The following CRYBA4 variants were observed in gnomAD, a reference collection of about 807,000 sequenced individuals.
CRYBA4 encodes the protein beta-crystallin A4.
A neutral mutation model predicts 31.7 loss-of-function variants in CRYBA4; 30 were observed. The observed-to-expected ratio is 0.95, with a 90% CI of 0.71 to 1.28. The LOEUF (loss-of-function observed/expected upper bound fraction) is 1.28. CRYBA4 is among the 50% of genes most tolerant of loss of function. The pLI is 0.00. For missense variants in CRYBA4, 225 were observed against 260.7 expected, an observed-to-expected ratio of 0.86 and a Z score of 0.94; for synonymous variants, 102 against 102.3, an observed-to-expected ratio of 1.00 and a Z score of 0.02.
chr22:26,594,245 C>G, the CRYBA4 span, among the ~76,000 whole-genome samples: 1 of 152,184 alleles, frequency 6.6e-6, no homozygotes, highest in African/African-American at 2.4e-5. Context: ...GAAGGCTCAT[C>G]TCTTTAGAAC....
the CRYBA4 span, among the ~76,000 whole-genome samples, chr22:26,612,375 G>A: frequency 6.6e-6 from 1 of 152,090 alleles, no homozygotes; most frequent in African/African-American, 2.4e-5. Context: ...TTGTTTGTTT[G>A]TTTGTTTTTC....
chr22:26,590,368 G>C, the CRYBA4 span, among the ~76,000 whole-genome samples: 1 of 152,224 alleles, frequency 6.6e-6, no homozygotes, highest in African/African-American at 2.4e-5. Flanking sequence ...CTCCCGGTCA[G>C]TTCTGTTTAA....
the CRYBA4 span, among the ~76,000 whole-genome samples, chr22:26,613,928 T>C: frequency 6.6e-6 from 1 of 152,106 alleles, no homozygotes; most frequent in Non-Finnish European, 1.5e-5. Flanking sequence ...TGGGGTTAGG[T>C]CTCTAAACTG....
At chr22:26,611,769 C>G in the CRYBA4 span, among the ~76,000 whole-genome samples, 1 of 152,122 alleles carries the variant, frequency 6.6e-6, no homozygotes, top group Non-Finnish European at 1.5e-5. Context: ...CCACCGCGCC[C>G]GGCCGGGCTA....
intron 3 of CRYBA4, among the ~76,000 whole-genome samples, chr22:26,624,265 A>C (rs138860291): frequency 7.3e-5 from 11 of 150,990 alleles, no homozygotes; most frequent in African/African-American, 2.4e-4. Context: ...ATACTGGATA[A>C]AAGTTCTAGA....
At chr22:26,629,059 G>T (rs1435329630) in intron 5 of CRYBA4, among the ~76,000 whole-genome samples, 1 of 152,184 alleles carries the variant, frequency 6.6e-6, no homozygotes, top group Non-Finnish European at 1.5e-5. Context: ...ATAAAACACA[G>T]GTGTGGCTCC....
the CRYBA4 span, among the ~76,000 whole-genome samples, chr22:26,610,387 C>T: frequency 1.3e-5 from 2 of 152,182 alleles, no homozygotes; most frequent in African/African-American, 4.8e-5. Context: ...AGACCCAGGC[C>T]CCCGGACCAC....
chr22:26,620,713 G>C (rs1602336499), upstream of CRYBA4, among the ~76,000 whole-genome samples: 3 of 151,974 alleles, frequency 2.0e-5, no homozygotes, highest in African/African-American at 7.3e-5. Context: ...ACAGGCGCCC[G>C]CGCTACTCCC....
chr22:26,623,767 A>T (rs1430469566), intron 3 of CRYBA4, among the ~76,000 whole-genome samples: 1 of 100,586 alleles, frequency 9.9e-6, no homozygotes, highest in African/African-American at 4.2e-5. Context: ...ATTTTTTGTA[A>T]AAAAAAAAAA....
the CRYBA4 span, among the ~76,000 whole-genome samples, chr22:26,599,971 A>G: frequency 6.6e-6 from 1 of 152,232 alleles, no homozygotes; most frequent in Non-Finnish European, 1.5e-5. Flanking sequence ...TTGCCTGTGC[A>G]TGGTAGGAAT....
the CRYBA4 span, among the ~76,000 whole-genome samples, chr22:26,612,544 G>A: frequency 1.3e-5 from 2 of 152,154 alleles, no homozygotes; most frequent in Non-Finnish European, 2.9e-5. Context: ...GTAGAGACAG[G>A]ATTTTGCCAT....
chr22:26,622,663 T>A, intron 2 of CRYBA4, 28 bp downstream of exon 2: 1 of 1,309,348 alleles, frequency 7.6e-7, no homozygotes, highest in Non-Finnish European at 1.1e-6. Context: ...GAGGGGGTGT[T>A]CAGGGGGTAT....
At chr22:26,613,658 G>A in the CRYBA4 span, among the ~76,000 whole-genome samples, 3 of 151,938 alleles carry the variant, frequency 2.0e-5, no homozygotes, top group Admixed American at 6.6e-5. Flanking sequence ...GATGTATGTC[G>A]CCTCAGGACC....
the CRYBA4 span, among the ~76,000 whole-genome samples, chr22:26,605,751 A>AT: frequency 7.3e-4 from 61 of 83,106 alleles, no homozygotes; most frequent in African/African-American, 7.4e-4. Context: ...GGTCAGGTTT[A>AT]TTTTTTTTTT....
chr22:26,599,464 GC>G, the CRYBA4 span: 1 of 1,593,076 alleles, frequency 6.3e-7, no homozygotes, highest in Non-Finnish European at 8.6e-7. Context: ...AAGGGTTGGG[GC>G]AAGGTAGCAG....
the CRYBA4 span, among the ~76,000 whole-genome samples, chr22:26,590,567 A>G: frequency 6.6e-6 from 1 of 152,136 alleles, no homozygotes; most frequent in Non-Finnish European, 1.5e-5. Context: ...TTGTGGATAT[A>G]CCACATTCTC....
Position 26,623,318 on chromosome 22 carries a change from G to C in CRYBA4, c.124G>C (p.Glu42Gln). The C allele has an allele frequency of 6.2e-7, 1 of 1,614,088 alleles. No homozygotes were observed. Among genetic ancestry groups the C allele is most frequent in the Non-Finnish European group, 8.5e-7 (1 of 1,180,018 alleles). Residue 42 changes from glutamate (E) to glutamine (Q), a missense_variant, in exon 3 of 6, where the codon GAG becomes CAG. Coordinates refer to ENST00000354760, the MANE Select transcript of CRYBA4 (RefSeq NM_001886.3). ...CCCCAGCGTGCTGGAGCTTGGCTTC[G>C]AGACTGTGCGATCTTTGAAAGTGCT... ...ECPSVLELGF[E>Q]TVRSLKVLSG...
chr22:26,625,279 G>A (rs550318579), intron 3 of CRYBA4, among the ~76,000 whole-genome samples: 3 of 152,230 alleles, frequency 2.0e-5, no homozygotes, highest in African/African-American at 7.2e-5. Context: ...TGGTATCCCT[G>A]GCCTCTACCC....
the CRYBA4 span, among the ~76,000 whole-genome samples, chr22:26,591,890 T>TACACACACACACACAC: frequency 0.012 from 1,654 of 135,886 alleles, 17 homozygotes; most frequent in Middle Eastern, 0.026. Flanking sequence ...CCTGGGTGAG[T>TACACACACACACACAC]ACACACACAC....
Sources: allele counts gnomAD v4.1 joint callset (sites outside exome capture counted in the v4.1 genomes callset), GRCh38; gene constraint gnomAD v4.1.1; transcripts MANE v1.5; gene names NCBI Gene and HGNC (gene_info 2026-07-23, HGNC 2026-07-21).